The following TBC1D15 variants were observed in gnomAD, a reference collection of about 807,000 sequenced individuals.
The protein encoded by TBC1D15 is GAP for RAB7.
A neutral mutation model predicts 95.4 loss-of-function variants in TBC1D15; 39 were observed. The observed-to-expected ratio is 0.41, with a 90% CI of 0.32 to 0.53. The LOEUF (loss-of-function observed/expected upper bound fraction) is 0.53, where lower values mean the gene tolerates loss of function less well. Ranked by LOEUF, TBC1D15 falls within the 20% of genes least tolerant of loss-of-function variation. TBC1D15 has a pLI of 0.29. For missense variants in TBC1D15, 733 were observed against 794.3 expected (o/e 0.92, Z 0.93); for synonymous variants, 258 against 261.3 (o/e 0.99, Z 0.12).
chr12:71,855,431 T>A (rs969684792), intron 1 of TBC1D15, among the ~76,000 whole-genome samples: 1 of 152,072 alleles, frequency 6.6e-6, no homozygotes, highest in Non-Finnish European at 1.5e-5. Context: ...TAATCACAGC[T>A]TAGGTTAAAA....
intron 5 of TBC1D15, 55 bp from the exon 6 acceptor site, chr12:71,893,165 ATG>A: frequency 1.1e-6 from 1 of 924,392 alleles, no homozygotes; most frequent in Non-Finnish European, 1.5e-6. Flanking sequence ...GTAATTGTTC[ATG>A]TAGTAATTGA....
intron 9 of TBC1D15, 51 bp from the exon 10 acceptor site, chr12:71,897,796 A>G (rs1432402250): frequency 1.4e-6 from 2 of 1,411,812 alleles, no homozygotes; most frequent in South Asian, 2.3e-5. Context: ...AAACAGTGTT[A>G]AAAATAAAGT....
intron 1 of TBC1D15, among the ~76,000 whole-genome samples, chr12:71,855,061 C>G (rs1019818957): frequency 6.6e-6 from 1 of 152,032 alleles, no homozygotes; most frequent in Admixed American, 6.6e-5. Flanking sequence ...GCTGGGGAGG[C>G]CTCAGGAAAC....
At position 71,872,079 on chromosome 12, in the gene TBC1D15, G is replaced by A. The variant is rs1244952789; in HGVS notation, c.40G>A (p.Glu14Lys). ...ATTTTTGCTGTTTTAGATTATATATGAACAAGAAGGAGTATATATTCACTC... is the reference window on the plus strand; with the variant it reads ...ATTTTTGCTGTTTTAGATTATATATAAACAAGAAGGAGTATATATTCACTC... ...AGVVSGKIIY[E>K]QEGVYIHSSC... The change falls in exon 2 of 17, where the codon GAA becomes AAA. Residue 14 changes from glutamate to lysine, a missense_variant. Glu to Lys is a moderately conservative substitution (Grantham distance 56). Coordinates refer to ENST00000485960, the MANE Select transcript of TBC1D15 (RefSeq NM_001146213.3). 1.3e-6 allele frequency: 2 copies of A among 1,508,570 alleles called. No homozygotes were observed. The highest frequency in any genetic ancestry group is 2.8e-5 in the African/African-American group (2 of 70,590). The allele number at this position is 1,508,570 out of a possible 1,614,324, so 93.4% of individuals were successfully genotyped here.
intron 10 of TBC1D15, among the ~76,000 whole-genome samples, chr12:71,902,177 A>G (rs1319338089): frequency 6.6e-6 from 1 of 152,232 alleles, no homozygotes; most frequent in Non-Finnish European, 1.5e-5. Context: ...CTATTTATAG[A>G]TTCAGTGCTA....
At chr12:71,904,362 C>T (rs1252926685) in intron 10 of TBC1D15, among the ~76,000 whole-genome samples, 1 of 152,112 alleles carries the variant, frequency 6.6e-6, no homozygotes, top group Non-Finnish European at 1.5e-5. Context: ...TAGAAGAAGA[C>T]TTGGAGACAA....
At chr12:71,867,385 T>G (rs1411182048) in intron 1 of TBC1D15, among the ~76,000 whole-genome samples, 1 of 152,222 alleles carries the variant, frequency 6.6e-6, no homozygotes, top group African/African-American at 2.4e-5. Context: ...AAGACTGGAT[T>G]ACAGATTTCC....
Position 71,894,733 on chromosome 12 carries a change from A to C in TBC1D15, c.705A>C (p.Lys235Asn). Residue 235 changes from lysine (K) to asparagine (N), a missense_variant, in exon 7 of 17, where the codon AAA becomes AAC. Physicochemically the swap from Lys to Asn is moderately conservative, Grantham distance 94 (BLOSUM62 0). Transcript: ENST00000485960. ...CGGCAACTATGATAGGATTTTCCAA[A>C]GTCACAAACTACATTTTTGACAGTT... ...PYTATMIGFSKVTNYIFDSLR... is the reference protein window; with the variant it reads ...PYTATMIGFSNVTNYIFDSLR... 6.2e-7 allele frequency: 1 copy of C among 1,613,238 alleles called. No individual in the cohort carries two copies. Among genetic ancestry groups the C allele is most frequent in the African/African-American group, 1.3e-5 (1 of 75,010 alleles).
chr12:71,839,917 GAC>G, intron 1 of TBC1D15, 106 bp downstream of exon 1: 1 of 1,412,596 alleles, frequency 7.1e-7, no homozygotes, highest in Non-Finnish European at 9.9e-7. Flanking sequence ...TCTGTGTCCG[GAC>G]AACCCGTGGC....
chr12:71,888,540 A>G (rs1019525184), intron 5 of TBC1D15, among the ~76,000 whole-genome samples: 2 of 151,942 alleles, frequency 1.3e-5, no homozygotes, highest in Non-Finnish European at 2.9e-5. Context: ...ATATGACATT[A>G]TAATAATTCA....
At chr12:71,915,318 A>C (rs1903410867) in intron 12 of TBC1D15, among the ~76,000 whole-genome samples, 1 of 151,920 alleles carries the variant, frequency 6.6e-6, no homozygotes, top group Admixed American at 6.6e-5. Flanking sequence ...AAAAGGGATT[A>C]TATCTTGTTT....
In TBC1D15 at chr12:71,923,286, G is replaced by C. The variant is rs1292396177; in HGVS notation, c.*82G>C. The stretch of plus-strand genomic sequence containing the variant: ...TTGAAAGTTGAAAATTTGAAATCTT[G>C]GTATTGATCATGCTTTAAGGTTTAT... On this transcript the variant is annotated 3_prime_UTR_variant, in exon 17 of 17. Coordinates refer to ENST00000485960, the MANE Select transcript of TBC1D15 (RefSeq NM_001146213.3). The C allele has an allele frequency of 7.8e-7, 1 of 1,286,450 alleles. No individual in the cohort carries two copies. The highest frequency in any genetic ancestry group is 1.5e-5 in the African/African-American group (1 of 68,312). The allele number at this position is 1,286,450 out of a possible 1,614,324, so 79.7% of individuals were successfully genotyped here.
chr12:71,872,032 T>C, intron 1 of TBC1D15, 38 bp from the exon 2 acceptor site: 2 of 993,772 alleles, frequency 2.0e-6, no homozygotes, highest in Non-Finnish European at 2.9e-6. Flanking sequence ...TAGTACTCAA[T>C]AGAAATTATG....
chr12:71,915,595 A>G (rs1209822271), intron 12 of TBC1D15, among the ~76,000 whole-genome samples: 1 of 152,098 alleles, frequency 6.6e-6, no homozygotes, highest in Non-Finnish European at 1.5e-5. Context: ...ACGTGTGTAT[A>G]TAGGTCTCAT....
At chr12:71,857,974 A>G (rs1431059223) in intron 1 of TBC1D15, among the ~76,000 whole-genome samples, 2 of 152,284 alleles carry the variant, frequency 1.3e-5, no homozygotes, top group South Asian at 2.1e-4. Context: ...TTTACTTAAC[A>G]TATATCCTCA....
At chr12:71,883,588 G>A (rs973774342) in intron 4 of TBC1D15, among the ~76,000 whole-genome samples, 1 of 152,056 alleles carries the variant, frequency 6.6e-6, no homozygotes, top group Admixed American at 6.5e-5. Context: ...CAGATAGGAC[G>A]GTGATACATC....
At chr12:71,909,750 C>A (rs931912732) in intron 11 of TBC1D15, among the ~76,000 whole-genome samples, 7 of 152,084 alleles carry the variant, frequency 4.6e-5, no homozygotes, top group Non-Finnish European at 1.0e-4. Context: ...ACTGCCTACA[C>A]TGAAACAAAT....
chr12:71,897,357 TTTAAG>T, intron 9 of TBC1D15: 1 of 157,048 alleles, frequency 6.4e-6, no homozygotes, highest in East Asian at 1.9e-4. Flanking sequence ...TATGTGCATA[TTTAAG>T]TTATCTGACA....
At chr12:71,873,027 C>T in intron 3 of TBC1D15, 24 bp downstream of exon 3, 1 of 1,486,484 alleles carries the variant, frequency 6.7e-7, no homozygotes, top group Non-Finnish European at 9.2e-7. Flanking sequence ...AAATGTGTTA[C>T]TAAGGGAATG....
Sources: gnomAD v4.1 joint callset for allele counts (sites outside exome capture counted in the v4.1 genomes callset) on GRCh38, gnomAD v4.1.1 for gene constraint, MANE v1.5 for transcripts, NCBI Gene and HGNC (gene_info 2026-07-23, HGNC 2026-07-21) for gene names.